Variants in TRIQK observed in about 807,000 individuals in gnomAD.
TRIQK encodes triple QxxK/R motif-containing protein.
TRIQK carries 10 observed loss-of-function variants against 10.8 expected under a neutral mutation model. The observed-to-expected ratio is 0.92, with a 90% CI of 0.57 to 1.57. The LOEUF is 1.57. Ranked by LOEUF, TRIQK falls within the 40% of genes most tolerant of loss-of-function variation. The pLI, the probability that TRIQK is intolerant of heterozygous loss-of-function variation, is 0.00. For missense variants in TRIQK, 107 were observed against 97.7 expected, an observed-to-expected ratio of 1.09 and a Z score of -0.40; for synonymous variants, 33 against 33.7, an observed-to-expected ratio of 0.98 and a Z score of 0.07.
chr8:92,958,100 A>T (rs528305945), intron 1 of TRIQK, among the ~76,000 whole-genome samples: 1 of 151,904 alleles, frequency 6.6e-6, no homozygotes, highest in Non-Finnish European at 1.5e-5. Context: ...TGCATGTCAT[A>T]TAAGAGCCTC....
chr8:92,898,734 C>A (rs554541475), intron 3 of TRIQK, among the ~76,000 whole-genome samples: 1 of 150,576 alleles, frequency 6.6e-6, no homozygotes, highest in African/African-American at 2.4e-5. Flanking sequence ...TGCTTAAAAG[C>A]TCAGTGTTGG....
chr8:92,922,212 TTC>T (rs1563635196), intron 2 of TRIQK: 1 of 151,760 alleles, frequency 6.6e-6, no homozygotes, highest in Non-Finnish European at 1.5e-5. Context: ...TTAAAAATAA[TTC>T]TGTCAAGACA....
chr8:92,913,423 C>A lies in TRIQK; in HGVS notation c.61+3506G>T, dbSNP rs376890214. Among the ~76,000 whole-genome samples the A allele has an allele frequency of 4.8e-4, 73 of 152,260 alleles. 3 individuals are homozygous for A. The South Asian group carries it at 0.015, about 31-fold the overall frequency. Reference sequence around the variant, plus strand: ...GCAAATCAAAACCACAGTGAGACACCATCTCATGACAGTCAGAATGGCAAT... The same window carrying A: ...GCAAATCAAAACCACAGTGAGACACAATCTCATGACAGTCAGAATGGCAAT... On this transcript the variant is annotated intron_variant, in intron 3 of 4. Coordinates refer to ENST00000521988, the MANE Select transcript of TRIQK (RefSeq NM_001171797.2).
At chr8:92,931,443 A>G (rs1406632971) in intron 2 of TRIQK, among the ~76,000 whole-genome samples, 1 of 152,144 alleles carries the variant, frequency 6.6e-6, no homozygotes, top group African/African-American at 2.4e-5. Context: ...CATAAGTCAC[A>G]TTACCCAATA....
chr8:92,957,206 C>A (rs1193624486), intron 1 of TRIQK, among the ~76,000 whole-genome samples: 3 of 151,622 alleles, frequency 2.0e-5, no homozygotes, highest in Non-Finnish European at 4.4e-5. Context: ...GAGTAAGAGC[C>A]TTTTTACATA....
At chr8:92,948,158 T>C (rs544047709) in intron 2 of TRIQK, among the ~76,000 whole-genome samples, 2 of 152,344 alleles carry the variant, frequency 1.3e-5, no homozygotes, top group South Asian at 2.1e-4. Context: ...CTTACATTTG[T>C]CCTTCATAGG....
intron 3 of TRIQK, among the ~76,000 whole-genome samples, chr8:92,894,029 G>A (rs1036503429): frequency 2.6e-5 from 4 of 151,856 alleles, no homozygotes; most frequent in African/African-American, 7.2e-5. Flanking sequence ...TATAACCATT[G>A]GTTAAATAAT....
At chr8:93,006,098 T>G (rs1813268152) in intron 1 of TRIQK, among the ~76,000 whole-genome samples, 1 of 137,930 alleles carries the variant, frequency 7.3e-6, no homozygotes, top group African/African-American at 2.7e-5. Context: ...GGAATAAATT[T>G]AACCACGGAG....
chr8:93,008,615 C>T (rs1336691157), intron 1 of TRIQK, among the ~76,000 whole-genome samples: 1 of 152,148 alleles, frequency 6.6e-6, no homozygotes, highest in Admixed American at 6.5e-5. Flanking sequence ...AGAAACAGCA[C>T]AGTACTGGCA....
In TRIQK at chr8:92,884,720, T is replaced by C; in HGVS notation, c.*1902A>G. Reference sequence around the variant, plus strand: ...TGGATAAGTATCTAATAAGCAATTATTACATATCCTCTCATTTAAATTACC... The same window carrying C: ...TGGATAAGTATCTAATAAGCAATTACTACATATCCTCTCATTTAAATTACC... On this transcript the variant is annotated 3_prime_UTR_variant, in exon 5 of 5. Coordinates refer to ENST00000521988, the MANE Select transcript of TRIQK (RefSeq NM_001171797.2). The C allele has an allele frequency of 2.5e-6, 1 of 404,632 alleles. No individual in the cohort carries two copies. The highest frequency in any genetic ancestry group is 1.8e-5 in the South Asian group (1 of 54,800). 25.1% of individuals were successfully genotyped at this position (404,632 alleles called of 1,614,324 possible).
At chr8:92,895,856 A>G (rs1808564411) in intron 3 of TRIQK, among the ~76,000 whole-genome samples, 1 of 152,168 alleles carries the variant, frequency 6.6e-6, no homozygotes, top group African/African-American at 2.4e-5. Context: ...TAAAAGGTAA[A>G]ATTTACAATT....
intron 3 of TRIQK, among the ~76,000 whole-genome samples, chr8:92,914,995 A>G (rs1809752357): frequency 6.6e-6 from 1 of 152,180 alleles, no homozygotes; most frequent in African/African-American, 2.4e-5. Context: ...TCAAGAAATT[A>G]TTTTATACAT....
chr8:93,000,264 T>C (rs1286397435), intron 1 of TRIQK, among the ~76,000 whole-genome samples: 2 of 152,184 alleles, frequency 1.3e-5, no homozygotes, highest in Non-Finnish European at 2.9e-5. Flanking sequence ...TTTATACTGC[T>C]GTGAAGAAGT....
chr8:92,889,322 G>A (rs1816645135), intron 4 of TRIQK, among the ~76,000 whole-genome samples: 2 of 151,488 alleles, frequency 1.3e-5, no homozygotes, highest in African/African-American at 4.8e-5. Context: ...GTGATTTCTT[G>A]TATAAGCTCT....
At chr8:92,996,389 CA>C (rs1417352128) in intron 1 of TRIQK, among the ~76,000 whole-genome samples, 3 of 152,006 alleles carry the variant, frequency 2.0e-5, no homozygotes, top group Admixed American at 6.5e-5. Flanking sequence ...TTCAATTGTT[CA>C]GCCTACTGCA....
At chr8:93,017,142 AG>A (rs1813392338) in intron 1 of TRIQK, among the ~76,000 whole-genome samples, 1 of 149,010 alleles carries the variant, frequency 6.7e-6, no homozygotes, top group African/African-American at 2.5e-5. Flanking sequence ...AGAGAGAGAG[AG>A]AGAGAGAGAG....
chr8:92,904,997 A>G (rs927611394), intron 3 of TRIQK, among the ~76,000 whole-genome samples: 37 of 152,200 alleles, frequency 2.4e-4, no homozygotes, highest in African/African-American at 8.7e-4. Flanking sequence ...TTCTTAAAAA[A>G]TAAAAACAAC....
intron 2 of TRIQK, among the ~76,000 whole-genome samples, chr8:92,943,808 A>T (rs1371329684): frequency 6.6e-6 from 1 of 152,214 alleles, no homozygotes. Context: ...AGATCCCAAA[A>T]GCACAGGCAA....
intron 2 of TRIQK, among the ~76,000 whole-genome samples, chr8:92,946,762 CTTTT>C (rs1274409030): frequency 7.0e-6 from 1 of 141,932 alleles, no homozygotes; most frequent in South Asian, 2.2e-4. Context: ...TTTTATTTTA[CTTTT>C]TTTTTTTTTT....
Sources: gnomAD v4.1 joint callset for allele counts (sites outside exome capture counted in the v4.1 genomes callset) on GRCh38, gnomAD v4.1.1 for gene constraint, MANE v1.5 for transcripts, NCBI Gene and HGNC (gene_info 2026-07-23, HGNC 2026-07-21) for gene names.